CCDC7: variants seen among roughly 807,000 people sequenced by gnomAD.
The protein encoded by CCDC7 is coiled-coil domain-containing protein 7.
Under a neutral mutation model 196.9 loss-of-function variants are expected in CCDC7, and 183 were observed. The ratio of observed to expected loss-of-function variants is 0.93; its 90% confidence interval spans 0.82 to 1.05. The LOEUF is 1.05. CCDC7 is among the 50% of genes least tolerant of loss of function. CCDC7 has a pLI of 0.00. For missense variants in CCDC7, 1,540 were observed against 1,482.2 expected (o/e 1.04, Z -0.64); for synonymous variants, 525 against 484.6 (o/e 1.08, Z -1.10).
rs559250040 is a variant in CCDC7 at position 32,732,722 on chromosome 10, T to C, written c.2905+3265T>C. On this transcript the variant is annotated intron_variant, in intron 28 of 41. Transcript: ENST00000639629. The stretch of plus-strand genomic sequence containing the variant: ...CTTATGTTCACAGTAGAAAGAAAGA[T>C]AGAGATTTCTCATATACCACCTTCC... 1.0e-3 allele frequency among the ~76,000 whole-genome samples: 153 copies of C among 152,256 alleles called. 1 individual carries two copies. Among genetic ancestry groups the C allele is most frequent in the Middle Eastern group, 3.4e-3 (1 of 294 alleles).
At chr10:32,748,140 T>G (rs2075101914) in intron 28 of CCDC7, among the ~76,000 whole-genome samples, 2 of 152,148 alleles carry the variant, frequency 1.3e-5, no homozygotes, top group Admixed American at 6.5e-5. Flanking sequence ...ATGTTCTCAC[T>G]TATAAGTGGG....
At chr10:32,623,742 G>C (rs1288397508) in intron 18 of CCDC7, 1 of 469,856 alleles carries the variant, frequency 2.1e-6, no homozygotes, top group African/African-American at 2.0e-5. Flanking sequence ...CATGGTGCCG[G>C]CATCTGCTTC....
intron 28 of CCDC7, among the ~76,000 whole-genome samples, chr10:32,738,843 A>G (rs2085334798): frequency 1.3e-5 from 2 of 152,044 alleles, no homozygotes; most frequent in Admixed American, 1.3e-4. Flanking sequence ...GACATGTATT[A>G]TATTCCTTCT....
At chr10:32,469,996 T>A (rs2037618360) in intron 5 of CCDC7, among the ~76,000 whole-genome samples, 2 of 152,190 alleles carry the variant, frequency 1.3e-5, no homozygotes, top group African/African-American at 4.8e-5. Context: ...GATTTGCGGC[T>A]TCTTATTTGG....
intron 35 of CCDC7, 60 bp downstream of exon 36, chr10:32,845,686 TTAAG>T: frequency 6.8e-7 from 1 of 1,467,298 alleles, no homozygotes; most frequent in Non-Finnish European, 9.5e-7. Flanking sequence ...TGGAGTTAAA[TTAAG>T]TGTGGACATT....
intron 28 of CCDC7, among the ~76,000 whole-genome samples, chr10:32,742,185 T>G (rs1363750268): frequency 6.6e-6 from 1 of 152,200 alleles, no homozygotes; most frequent in African/African-American, 2.4e-5. Flanking sequence ...AAAATTTATT[T>G]TTAGAGCAGT....
chr10:32,712,079 G>A (rs150340771), intron 25 of CCDC7, among the ~76,000 whole-genome samples: 3 of 152,202 alleles, frequency 2.0e-5, no homozygotes, highest in East Asian at 3.9e-4. Flanking sequence ...AAGTATTGCC[G>A]AGATCTGTAA....
At chr10:32,498,806 G>T (rs2043331141) in intron 9 of CCDC7, among the ~76,000 whole-genome samples, 1 of 143,834 alleles carries the variant, frequency 7.0e-6, no homozygotes, top group African/African-American at 2.5e-5. Flanking sequence ...CTCTCTGGCT[G>T]CCCTTAACAT....
At chr10:32,692,363 ATAAAGAGAC>A (rs1199554329) in intron 23 of CCDC7, among the ~76,000 whole-genome samples, 2 of 152,236 alleles carry the variant, frequency 1.3e-5, no homozygotes, top group African/African-American at 2.4e-5. Flanking sequence ...GAATCAGAGG[ATAAAGAGAC>A]TATTGTTCCA....
intron 16 of CCDC7, among the ~76,000 whole-genome samples, chr10:32,579,719 C>T (rs560575256): frequency 5.9e-5 from 9 of 152,004 alleles, no homozygotes; most frequent in Non-Finnish European, 1.2e-4. Context: ...TATGGTGTCC[C>T]GTAATTCCTT....
At chr10:32,858,822 G>C (rs1054705080) in intron 41 of CCDC7, among the ~76,000 whole-genome samples, 23 of 151,920 alleles carry the variant, frequency 1.5e-4, no homozygotes, top group African/African-American at 5.6e-4. Context: ...AAAGAGACAA[G>C]GGCATTACAT....
intron 13 of CCDC7, among the ~76,000 whole-genome samples, chr10:32,564,812 G>T (rs564628528): frequency 6.6e-6 from 1 of 151,054 alleles, no homozygotes; most frequent in South Asian, 2.1e-4. Context: ...AAAAAAAAAA[G>T]AATCTACCTA....
chr10:32,545,936 C>T (rs117817285), intron 13 of CCDC7, among the ~76,000 whole-genome samples: 5,717 of 150,172 alleles, frequency 0.038, 125 homozygotes, highest in Non-Finnish European at 0.049. Flanking sequence ...AAAGATGTAG[C>T]CTCTGGAAAA....
rs1001678342 is a variant in CCDC7, at chr10:32,702,753, C to T, written c.2458+7761C>T. 3.3e-5 allele frequency among the ~76,000 whole-genome samples: 5 copies of T among 150,800 alleles called. No individual in the cohort carries two copies. In the East Asian group the frequency reaches 9.7e-4, roughly 29 times the overall value. ...GGATAGTTAGCTCTTCTTGTTGATCCCTTTACCATTATGTAATGGCCTTCT... is the reference window on the plus strand; with the variant it reads ...GGATAGTTAGCTCTTCTTGTTGATCTCTTTACCATTATGTAATGGCCTTCT... On this transcript the variant is annotated intron_variant, in intron 24 of 41. Coordinates refer to ENST00000639629, the Ensembl canonical transcript of CCDC7.
chr10:32,732,471 C>A (rs1659584838), intron 28 of CCDC7, among the ~76,000 whole-genome samples: 1 of 152,116 alleles, frequency 6.6e-6, no homozygotes, highest in African/African-American at 2.4e-5. Context: ...CTTAACTTCA[C>A]TGAGGTTCTG....
chr10:32,709,368 T>C (rs529239626), intron 24 of CCDC7, among the ~76,000 whole-genome samples: 6 of 151,828 alleles, frequency 4.0e-5, no homozygotes, highest in African/African-American at 1.4e-4. Context: ...ATACCTAATG[T>C]AAATGACAAG....
intron 20 of CCDC7, among the ~76,000 whole-genome samples, chr10:32,662,993 A>G (rs1267208671): frequency 6.7e-6 from 1 of 150,128 alleles, no homozygotes; most frequent in Admixed American, 6.9e-5. Flanking sequence ...GTTGGACCAA[A>G]TTAGTCAGAG....
chr10:32,638,505 T>C (rs564954417), intron 20 of CCDC7, among the ~76,000 whole-genome samples: 13 of 152,322 alleles, frequency 8.5e-5, no homozygotes, highest in African/African-American at 2.9e-4. Flanking sequence ...TTTTTGTCTT[T>C]GGTTCTGTTT....
At chr10:32,446,048 C>T (rs2030839258), upstream of CCDC7, 1 of 152,222 alleles carries the variant, frequency 6.6e-6, no homozygotes, top group Non-Finnish European at 1.5e-5. Context: ...TGCGTCTCCT[C>T]TTCCGCTCTC....
Sources: allele counts gnomAD v4.1 joint callset (sites outside exome capture counted in the v4.1 genomes callset), GRCh38; gene constraint gnomAD v4.1.1; transcripts MANE v1.5; gene names NCBI Gene and HGNC (gene_info 2026-07-23, HGNC 2026-07-21).